RGS6: variants seen among roughly 807,000 people sequenced by gnomAD.
RGS6 encodes regulator of G-protein signaling 6.
A neutral mutation model predicts 78.5 loss-of-function variants in RGS6; 30 were observed. That is an observed-to-expected ratio of 0.38 (90% CI 0.29 to 0.52). RGS6 has a LOEUF of 0.52. RGS6 is among the 20% of genes least tolerant of loss of function. The pLI is 0.85. For missense variants in RGS6, 495 were observed against 609.7 expected, an observed-to-expected ratio of 0.81 and a Z score of 1.98; for synonymous variants, 206 against 206.0, an observed-to-expected ratio of 1.00 and a Z score of 0.00.
chr14:72,354,499 G>T (rs1179408210), intron 3 of RGS6, among the ~76,000 whole-genome samples: 1 of 151,598 alleles, frequency 6.6e-6, no homozygotes, highest in South Asian at 2.1e-4. Context: ...AGCTGGGTGT[G>T]GTGGCACGTG....
intron 2 of RGS6, among the ~76,000 whole-genome samples, chr14:72,082,293 C>T (rs934516030): frequency 6.6e-6 from 1 of 152,024 alleles, no homozygotes; most frequent in Non-Finnish European, 1.5e-5. Flanking sequence ...GATATCTTTT[C>T]ATTTCTTGTA....
chr14:72,056,462 A>G (rs566557239), intron 2 of RGS6, among the ~76,000 whole-genome samples: 2 of 152,274 alleles, frequency 1.3e-5, no homozygotes, highest in African/African-American at 4.8e-5. Flanking sequence ...GGTGTGTTAC[A>G]CTCTGAACAT....
Position 72,562,703 on chromosome 14 carries a change from T to C in RGS6, c.*236T>C, listed in dbSNP as rs1312584760. The C allele has an allele frequency of 3.9e-6, 6 of 1,536,062 alleles. No homozygotes were observed. The highest frequency in any genetic ancestry group is 2.0e-5 in the Admixed American group (1 of 50,982). Reference sequence around the variant, plus strand: ...GGAGGCTCCTGTTTACAGCCCTCTCTTCTTTGTACAGTTGTATTCCAACAC... The same window carrying C: ...GGAGGCTCCTGTTTACAGCCCTCTCCTCTTTGTACAGTTGTATTCCAACAC... On this transcript the variant is annotated 3_prime_UTR_variant, in exon 18 of 18. Coordinates refer to ENST00000553525, the MANE Select transcript of RGS6 (RefSeq NM_001204424.2).
At chr14:72,247,582 C>A (rs745347541) in intron 2 of RGS6, among the ~76,000 whole-genome samples, 6 of 152,172 alleles carry the variant, frequency 3.9e-5, no homozygotes, top group Non-Finnish European at 7.3e-5. Context: ...CCGTAAAATA[C>A]TGATTTCTGT....
At chr14:72,172,042 G>A (rs572981116) in intron 2 of RGS6, among the ~76,000 whole-genome samples, 28 of 152,136 alleles carry the variant, frequency 1.8e-4, no homozygotes, top group Middle Eastern at 3.4e-3. Flanking sequence ...TTTGTGATTC[G>A]GGATCTGGCT....
intron 15 of RGS6, among the ~76,000 whole-genome samples, chr14:72,529,942 G>A (rs943094062): frequency 3.3e-5 from 5 of 152,256 alleles, no homozygotes; most frequent in African/African-American, 1.2e-4. Flanking sequence ...CTCAGCGTCT[G>A]ACACAGTGCC....
chr14:72,196,227 T>C lies in RGS6; in HGVS notation c.85-155868T>C, dbSNP rs540922076. 1.4e-4 allele frequency among the ~76,000 whole-genome samples: 22 copies of C among 152,274 alleles called. 1 individual carries two copies. In the South Asian group the frequency reaches 4.4e-3, roughly 30 times the overall value. On this transcript the variant is annotated intron_variant, in intron 2 of 17. Coordinates refer to ENST00000553525, the MANE Select transcript of RGS6 (RefSeq NM_001204424.2). ...GAACATTGAAGACCACTCTTGGGGT[T>C]CTATCTTGTGTGACTGGGGGATGGA...
At chr14:72,605,366 CAGAGG>C in the RGS6 span, among the ~76,000 whole-genome samples, 1 of 152,208 alleles carries the variant, frequency 6.6e-6, no homozygotes, top group Non-Finnish European at 1.5e-5. Context: ...CGCTTGCACG[CAGAGG>C]AGAGCTGACA....
intron 3 of RGS6, among the ~76,000 whole-genome samples, chr14:72,374,066 C>T (rs1156597240): frequency 6.6e-6 from 1 of 152,044 alleles, no homozygotes; most frequent in African/African-American, 2.4e-5. Context: ...GTTGTTGAAA[C>T]TGAACACCAA....
chr14:72,168,508 G>A (rs1335514641), intron 2 of RGS6, among the ~76,000 whole-genome samples: 3 of 152,254 alleles, frequency 2.0e-5, no homozygotes, highest in East Asian at 1.9e-4. Flanking sequence ...AACCAATTTC[G>A]AAGACTTAAT....
chr14:72,349,143 G>C (rs2078639242), intron 2 of RGS6, among the ~76,000 whole-genome samples: 1 of 152,094 alleles, frequency 6.6e-6, no homozygotes, highest in African/African-American at 2.4e-5. Flanking sequence ...CTCCAGCCTG[G>C]GTGAAGAGTG....
the RGS6 span, among the ~76,000 whole-genome samples, chr14:71,916,477 G>A: frequency 2.0e-5 from 3 of 152,182 alleles, no homozygotes; most frequent in African/African-American, 2.4e-5. Context: ...AGGGAAATAC[G>A]TTTTTTTGAC....
intron 7 of RGS6, among the ~76,000 whole-genome samples, chr14:72,466,167 T>C (rs370517733): frequency 6.6e-6 from 1 of 152,176 alleles, no homozygotes; most frequent in Admixed American, 6.5e-5. Context: ...GAAATGCAGA[T>C]TAAATCCGTG....
intron 2 of RGS6, among the ~76,000 whole-genome samples, chr14:72,190,933 TG>T (rs751534607): frequency 6.6e-6 from 1 of 152,232 alleles, no homozygotes; most frequent in Non-Finnish European, 1.5e-5. Flanking sequence ...AAACCACTAC[TG>T]GGTATCAGGT....
At position 72,562,449 on chromosome 14, in the gene RGS6, CCTG is replaced by C. The variant is rs748950763; in HGVS notation, c.1456_1458del (p.Leu486del). 10 of 1,612,910 alleles carry C rather than the reference CCTG, an allele frequency of 6.2e-6. No homozygotes were observed. In the South Asian group the frequency reaches 1.1e-4, roughly 18 times the overall value. Reference sequence around the variant, plus strand: ...CGCTGGCGGGCAAGCGCCTCACGGGCCTGATGCAGTCCTCCTGACCGTTCCTAC... The same window carrying C: ...CGCTGGCGGGCAAGCGCCTCACGGGCATGCAGTCCTCCTGACCGTTCCTAC... On this transcript the variant is annotated inframe_deletion, in exon 18 of 18. Transcript: ENST00000553525.
At chr14:72,348,825 A>G (rs985529800) in intron 2 of RGS6, among the ~76,000 whole-genome samples, 12 of 152,220 alleles carry the variant, frequency 7.9e-5, no homozygotes, top group Non-Finnish European at 1.5e-4. Flanking sequence ...TTGTTGTATC[A>G]TAACTTTGCT....
intron 2 of RGS6, among the ~76,000 whole-genome samples, chr14:72,091,113 A>G (rs2095254925): frequency 1.7e-5 from 2 of 121,140 alleles, no homozygotes; most frequent in Non-Finnish European, 3.5e-5. Context: ...GCCTTCCTCC[A>G]GGGAGGGGAC....
intron 1 of RGS6, among the ~76,000 whole-genome samples, chr14:71,961,571 G>A (rs746237867): frequency 1.3e-5 from 2 of 152,188 alleles, no homozygotes; most frequent in Admixed American, 6.5e-5. Flanking sequence ...ATTTGGACAT[G>A]GATCTGTCTA....
chr14:72,028,091 G>T (rs17105918), intron 2 of RGS6, among the ~76,000 whole-genome samples: 13,174 of 152,290 alleles, frequency 0.087, 620 homozygotes, highest in East Asian at 0.17. Context: ...TTGCAGTTTT[G>T]TGTGGGCAGG....
Sources: gnomAD v4.1 joint callset for allele counts (sites outside exome capture counted in the v4.1 genomes callset) on GRCh38, gnomAD v4.1.1 for gene constraint, MANE v1.5 for transcripts, NCBI Gene and HGNC (gene_info 2026-07-23, HGNC 2026-07-21) for gene names.